The following CCDC92 variants were observed in gnomAD, a reference collection of about 807,000 sequenced individuals.
CCDC92 encodes the protein coiled-coil domain-containing protein 92.
CCDC92 carries 12 observed loss-of-function variants against 24.9 expected under a neutral mutation model. The observed-to-expected ratio is 0.48, with a 90% confidence interval of 0.31 to 0.78. The LOEUF (loss-of-function observed/expected upper bound fraction) is 0.78. CCDC92 is among the 30% of genes least tolerant of loss of function. The probability of loss-of-function intolerance (pLI) is 0.05; values close to 1 mark genes in which losing one functional copy is unlikely to be tolerated. For synonymous variants in CCDC92, 193 were observed against 196.3 expected (o/e 0.98, Z 0.14); for missense variants, 399 against 439.4 (o/e 0.91, Z 0.82).
rs1236750510 is a variant in CCDC92, at chr12:123,935,678, G to T, written c.*1380C>A. On this transcript the variant is annotated 3_prime_UTR_variant, in exon 5 of 5. Coordinates refer to ENST00000238156, the MANE Select transcript of CCDC92 (RefSeq NM_025140.3). ...TTGTTTTTAATACTACTTTTTAAAA[G>T]GAATTTATATAATCAAAAAGTAAAT... 1.4e-5 allele frequency: 7 copies of T among 494,698 alleles called. No individual in the cohort carries two copies. The highest frequency in any genetic ancestry group is 2.4e-5 in the Non-Finnish European group (7 of 291,072). 30.6% of individuals were successfully genotyped at this position (494,698 alleles called of 1,614,324 possible).
intron 1 of CCDC92, among the ~76,000 whole-genome samples, chr12:123,947,543 C>T (rs905753049): frequency 6.6e-6 from 1 of 152,158 alleles, no homozygotes; most frequent in Admixed American, 6.5e-5. Context: ...CTGTGTCTAG[C>T]TCAGGGTTTG....
At chr12:123,963,829 A>C (rs1446788894) in intron 1 of CCDC92, among the ~76,000 whole-genome samples, 3 of 152,228 alleles carry the variant, frequency 2.0e-5, no homozygotes, top group Admixed American at 6.5e-5. Flanking sequence ...AATCTCCAGG[A>C]AACTTTGATG....
intron 1 of CCDC92, chr12:123,944,820 A>C (rs75840721): frequency 0.041 from 6,243 of 152,324 alleles, 393 homozygotes; most frequent in African/African-American, 0.13. Context: ...AAAAGGACCA[A>C]GAAAAAGAGA....
intron 1 of CCDC92, chr12:123,945,451 C>A (rs1284873376): frequency 6.6e-6 from 1 of 152,236 alleles, no homozygotes; most frequent in African/African-American, 2.4e-5. Context: ...CTGACCTTAA[C>A]AAAGGAGCCA....
Position 123,937,082 on chromosome 12 carries a change from G to A in CCDC92, c.972C>T (p.His324=). 5.0e-6 allele frequency: 8 copies of A among 1,614,014 alleles called. No individual in the cohort carries two copies. Among genetic ancestry groups the A allele is most frequent in the Non-Finnish European group, 5.9e-6 (7 of 1,180,008 alleles). The change falls in exon 5 of 5, where the codon CAC becomes CAT. Residue 324 remains histidine (H), a synonymous_variant. Coordinates refer to ENST00000238156, the MANE Select transcript of CCDC92 (RefSeq NM_025140.3). This position sits in a 1 kb window ranked among gnomAD's most constrained non-coding sequence, Gnocchi z 8.4. Reference sequence around the variant, plus strand: ...TTCACACAGTTCTGTCCGTCCCTGAGTGCTTCCTCACCACCTTGCCTCCGT... The same window carrying A: ...TTCACACAGTTCTGTCCGTCCCTGAATGCTTCCTCACCACCTTGCCTCCGT... The part of the protein sequence containing the change: ...QVNGGKVVRK[H]SGTDRTV
Position 123,937,885 on chromosome 12 carries a change from G to T in CCDC92, c.224-55C>A. The T allele has an allele frequency of 6.5e-7, 1 of 1,530,138 alleles. No individual in the cohort carries two copies. The highest frequency in any genetic ancestry group is 1.2e-5 in the South Asian group (1 of 80,360). 94.8% of individuals were successfully genotyped at this position (1,530,138 alleles called of 1,614,324 possible). On this transcript the variant is annotated intron_variant, in intron 4 of 4. Transcript: ENST00000238156. The surrounding 1 kb of genome is among the most constrained non-coding windows in gnomAD (Gnocchi z 8.4). ...AGAACTCATTAGACTGAGGCCGAGT[G>T]GTGAGGCCTATGGGGCAGGCGGACC...
At chr12:123,958,397 A>G (rs1399021230) in intron 1 of CCDC92, among the ~76,000 whole-genome samples, 1 of 152,224 alleles carries the variant, frequency 6.6e-6, no homozygotes, top group Non-Finnish European at 1.5e-5. Flanking sequence ...ATGAGTGAAG[A>G]CACTTAACTA....
intron 1 of CCDC92, among the ~76,000 whole-genome samples, chr12:123,958,033 G>A (rs1372645188): frequency 3.3e-5 from 5 of 151,292 alleles, no homozygotes; most frequent in African/African-American, 1.2e-4. Context: ...ATGCAAGGTA[G>A]GTATGATTAT....
chr12:123,937,561 C>A lies in CCDC92; in HGVS notation c.493G>T (p.Ala165Ser), dbSNP rs140945803. Residue 165 changes from alanine to serine, a missense_variant, in exon 5 of 5, where the codon GCC (alanine) becomes TCC (serine). Coordinates refer to ENST00000238156, the MANE Select transcript of CCDC92 (RefSeq NM_025140.3). This position sits in a 1 kb window ranked among gnomAD's most constrained non-coding sequence, Gnocchi z 8.4. The part of the protein sequence containing the change: ...IAYLTSQLHA[A>S]KKKLMSSSGT... ...CTGGAGCTCATGAGCTTCTTCTTGG[C>A]GGCGTGCAGCTGGGAGGTCAGGTAG... is the stretch of plus-strand genomic sequence containing the variant. 4 of 1,612,712 alleles carry A rather than the reference C, an allele frequency of 2.5e-6. No homozygotes were observed. Among genetic ancestry groups the A allele is most frequent in the Non-Finnish European group, 8.5e-7 (1 of 1,180,014 alleles).
rs1309500022 is a variant in CCDC92, at chr12:123,935,749, G to A, written c.*1309C>T. The A allele has an allele frequency of 5.8e-6, 2 of 344,380 alleles. No homozygotes were observed. The highest frequency in any genetic ancestry group is 4.2e-5 in the African/African-American group (2 of 47,964). 21.3% of individuals were successfully genotyped at this position (344,380 alleles called of 1,614,324 possible). On this transcript the variant is annotated 3_prime_UTR_variant, in exon 5 of 5. Transcript: ENST00000238156. ...GTGTGGAGTTTTCTTTTCCTTCTCA[G>A]AGAAAACACTTGATTAGGCAAAAGT... is the stretch of plus-strand genomic sequence containing the variant.
At chr12:123,940,126 T>G (rs1955639971) in intron 4 of CCDC92, among the ~76,000 whole-genome samples, 1 of 152,222 alleles carries the variant, frequency 6.6e-6, no homozygotes, top group Non-Finnish European at 1.5e-5. Flanking sequence ...TCCCTGGGCT[T>G]TGCTCATGTC....
chr12:123,952,560 A>G (rs1353164063), intron 1 of CCDC92, among the ~76,000 whole-genome samples: 1 of 152,262 alleles, frequency 6.6e-6, no homozygotes, highest in Non-Finnish European at 1.5e-5. Context: ...ATGAATACTG[A>G]TGTTACTCTG....
chr12:123,953,184 G>T (rs1956067334), intron 1 of CCDC92, among the ~76,000 whole-genome samples: 1 of 148,192 alleles, frequency 6.7e-6, no homozygotes, highest in African/African-American at 2.5e-5. Context: ...CTAAGCAGCA[G>T]ACATCTTTTA....
intron 1 of CCDC92, among the ~76,000 whole-genome samples, chr12:123,961,566 G>A (rs761060982): frequency 6.6e-6 from 1 of 152,162 alleles, no homozygotes; most frequent in African/African-American, 2.4e-5. Flanking sequence ...CAGAAAAGTC[G>A]AGATGGAAAA....
chr12:123,940,934 C>T (rs2137892036), intron 4 of CCDC92, among the ~76,000 whole-genome samples: 1 of 147,460 alleles, frequency 6.8e-6, no homozygotes, highest in East Asian at 2.0e-4. Context: ...ACTGGAACCA[C>T]CTGAGAGGCT....
intron 1 of CCDC92, among the ~76,000 whole-genome samples, chr12:123,957,701 T>C (rs1956181270): frequency 5.7e-3 from 2 of 348 alleles, no homozygotes; most frequent in Non-Finnish European, 6.2e-3. Flanking sequence ...TTTTCCTTCT[T>C]TTTTTTTTTT....
chr12:123,946,184 A>C (rs1955863643), intron 1 of CCDC92: 1 of 152,172 alleles, frequency 6.6e-6, no homozygotes, highest in South Asian at 2.1e-4. Context: ...CTTGTTTTTA[A>C]ATTGAGACTA....
At chr12:123,970,548 G>C (rs908190303) in intron 1 of CCDC92, among the ~76,000 whole-genome samples, 3 of 152,210 alleles carry the variant, frequency 2.0e-5, no homozygotes, top group African/African-American at 7.2e-5. Flanking sequence ...CTGAAGATGT[G>C]GAAACTGGTG....
Position 123,954,380 on chromosome 12 carries a change from CA to C in CCDC92, c.-59-10017del, listed in dbSNP as rs1192658158. Among the ~76,000 whole-genome samples the C allele has an allele frequency of 2.0e-5, 3 of 152,282 alleles. No homozygotes were observed. The East Asian group carries it at 5.8e-4, about 29-fold the overall frequency. ...ATTTTATTTTATTAAGGCTCATCGA[CA>C]ATTCTTTAGACATTGACAGCCATTT... On this transcript the variant is annotated intron_variant, in intron 1 of 4. Coordinates refer to ENST00000238156, the MANE Select transcript of CCDC92 (RefSeq NM_025140.3).
Sources: gnomAD v4.1 joint callset for allele counts (sites outside exome capture counted in the v4.1 genomes callset) on GRCh38, gnomAD v4.1.1 for gene constraint, Gnocchi (gnomAD v3.1) non-coding constraint, MANE v1.5 for transcripts, NCBI Gene and HGNC (gene_info 2026-07-23, HGNC 2026-07-21) for gene names.